The following LRRC37A variants were observed in gnomAD, a reference collection of about 807,000 sequenced individuals.
LRRC37A encodes the protein leucine-rich repeat-containing protein 37A.
Under a neutral mutation model 35.4 loss-of-function variants are expected in LRRC37A, and 3 were observed. The observed-to-expected ratio is 0.08, with a 90% CI of 0.04 to 0.22. The LOEUF (loss-of-function observed/expected upper bound fraction) is 0.22. Ranked by LOEUF, LRRC37A falls within the 10% of genes least tolerant of loss-of-function variation. The pLI is 1.00. For synonymous variants in LRRC37A, 23 were observed against 215.0 expected, an observed-to-expected ratio of 0.11 and a Z score of 7.81; for missense variants, 67 against 565.3, an observed-to-expected ratio of 0.12 and a Z score of 8.94.
chr17:46,282,926 C>T, the LRRC37A span, among the ~76,000 whole-genome samples: 1 of 152,002 alleles, frequency 6.6e-6, no homozygotes, highest in Non-Finnish European at 1.5e-5. Flanking sequence ...TGAGACCATC[C>T]TGGCCAACAC....
the LRRC37A span, among the ~76,000 whole-genome samples, chr17:46,276,790 C>CTTTTCTTTTTTTTTTT: frequency 9.7e-5 from 13 of 134,264 alleles, no homozygotes; most frequent in Non-Finnish European, 1.8e-4. Flanking sequence ...TTCTTTTTTT[C>CTTTTCTTTTTTTTTTT]TTTTTTTTTT....
At chr17:46,255,866 G>A in the LRRC37A span, among the ~76,000 whole-genome samples, 14 of 151,668 alleles carry the variant, frequency 9.2e-5, no homozygotes, top group East Asian at 5.9e-4. Flanking sequence ...TAGTGGACAC[G>A]GGGTTTCACC....
chr17:46,267,419 G>A, the LRRC37A span: 5 of 1,612,250 alleles, frequency 3.1e-6, no homozygotes, highest in African/African-American at 1.3e-5. Flanking sequence ...AAGATGAACC[G>A]CCTGTACCTC....
In LRRC37A at chr17:46,307,740, G is replaced by A. The variant is rs1217262075; in HGVS notation, c.2906+1431G>A. 1.8e-3 allele frequency among the ~76,000 whole-genome samples: 137 copies of A among 78,208 alleles called. 1 individual carries two copies. The highest frequency in any genetic ancestry group is 4.0e-3 in the African/African-American group (127 of 31,520). 51.3% of individuals were successfully genotyped at this position (78,208 alleles called of 152,430 possible). A position where few individuals can be genotyped will look rare whatever the true frequency, so the allele number is the denominator to read the frequency against. Reference sequence around the variant, plus strand: ...AGTCCCTCATAAAAATCTGGTGGCCGGGAGCGGTGGCTCATGCCTGTAATT... The same window carrying A: ...AGTCCCTCATAAAAATCTGGTGGCCAGGAGCGGTGGCTCATGCCTGTAATT... On this transcript the variant is annotated intron_variant, in intron 5 of 13. Transcript: ENST00000320254.
the LRRC37A span, among the ~76,000 whole-genome samples, chr17:46,271,459 C>G: frequency 0.12 from 18,499 of 150,420 alleles, no homozygotes; most frequent in Non-Finnish European, 0.18. Context: ...TGGGATTATA[C>G]GTGTGAGCCA....
At chr17:46,280,789 G>A in the LRRC37A span, among the ~76,000 whole-genome samples, 4 of 152,250 alleles carry the variant, frequency 2.6e-5, no homozygotes, top group African/African-American at 9.6e-5. Flanking sequence ...GGCCAGGATG[G>A]TCTCGAAATG....
At chr17:46,288,706 C>CTTTTTTTTTTT (rs199591277), upstream of LRRC37A, among the ~76,000 whole-genome samples, 44 of 138,786 alleles carry the variant, frequency 3.2e-4, no homozygotes, top group South Asian at 4.4e-4. Context: ...CTTGTTTTTT[C>CTTTTTTTTTTT]TTTTTTTTTT....
At chr17:46,269,294 G>A in the LRRC37A span, among the ~76,000 whole-genome samples, 1 of 152,240 alleles carries the variant, frequency 6.6e-6, no homozygotes, top group Non-Finnish European at 1.5e-5. Context: ...AGCACTTTGA[G>A]AGGCCGAGGC....
chr17:46,321,562 A>AT (rs1423407532), intron 5 of LRRC37A, among the ~76,000 whole-genome samples: 13 of 28,508 alleles, frequency 4.6e-4, no homozygotes, highest in Admixed American at 1.0e-3. Flanking sequence ...AATTGGTCCT[A>AT]TTTTTTTTTA....
chr17:46,249,936 C>A, the LRRC37A span, among the ~76,000 whole-genome samples: 1,129 of 152,282 alleles, frequency 7.4e-3, 17 homozygotes, highest in African/African-American at 0.026. Context: ...TCCCGAGTAA[C>A]TGGGACTACA....
At chr17:46,256,055 C>T in the LRRC37A span, among the ~76,000 whole-genome samples, 1 of 152,122 alleles carries the variant, frequency 6.6e-6, no homozygotes, top group Admixed American at 6.6e-5. Context: ...CGTAATTAGG[C>T]TGACAGTGCC....
chr17:46,335,437 T>G, intron 10 of LRRC37A, 108 bp from the exon 11 acceptor site: 1 of 154,500 alleles, frequency 6.5e-6, no homozygotes, highest in African/African-American at 1.9e-5. Flanking sequence ...TCAAAAAAGT[T>G]ACCTCATCAG....
chr17:46,274,701 G>T, the LRRC37A span: 3 of 152,464 alleles, frequency 2.0e-5, no homozygotes, highest in Non-Finnish European at 4.4e-5. Context: ...CTCTAAACCA[G>T]CTTCTTCACT....
At chr17:46,258,722 T>C in the LRRC37A span, among the ~76,000 whole-genome samples, 1 of 143,856 alleles carries the variant, frequency 7.0e-6, no homozygotes, top group African/African-American at 2.6e-5. Flanking sequence ...TTTTTTTTTT[T>C]TTTTTTTTTT....
At chr17:46,282,305 G>A in the LRRC37A span, among the ~76,000 whole-genome samples, 63 of 151,820 alleles carry the variant, frequency 4.1e-4, 1 homozygote, top group African/African-American at 1.3e-3. Flanking sequence ...GGGTTTCACC[G>A]TGTTAGCCAG....
the LRRC37A span, chr17:46,267,284 G>C: frequency 8.5e-7 from 1 of 1,174,724 alleles, no homozygotes; most frequent in African/African-American, 1.7e-5. Context: ...CAGGGACTGG[G>C]AGAGGAACTG....
the LRRC37A span, among the ~76,000 whole-genome samples, chr17:46,286,539 A>G: frequency 2.0e-5 from 3 of 152,260 alleles, no homozygotes; most frequent in East Asian, 3.8e-4. Context: ...ATTAATTTCT[A>G]TGTTACATAT....
At chr17:46,286,588 A>C in the LRRC37A span, among the ~76,000 whole-genome samples, 2 of 152,314 alleles carry the variant, frequency 1.3e-5, no homozygotes, top group Admixed American at 6.5e-5. Flanking sequence ...ATTTTCCCCA[A>C]TGTGTCTCAA....
chr17:46,275,251 G>T, the LRRC37A span: 1 of 478,080 alleles, frequency 2.1e-6, no homozygotes, highest in Non-Finnish European at 3.5e-6. Context: ...GGACTGTTAT[G>T]ACCAATAAAA....
Sources: gnomAD v4.1 joint callset for allele counts (sites outside exome capture counted in the v4.1 genomes callset) on GRCh38, gnomAD v4.1.1 for gene constraint, MANE v1.5 for transcripts, NCBI Gene and HGNC (gene_info 2026-07-23, HGNC 2026-07-21) for gene names.